SCTR: variants seen among roughly 807,000 people sequenced by gnomAD.
SCTR encodes the protein pancreatic secretin receptor.
SCTR carries 56 observed loss-of-function variants against 60.8 expected under a neutral mutation model. That is an observed-to-expected ratio of 0.92 (90% CI 0.74 to 1.15). SCTR has a LOEUF of 1.15. Among genes scored for constraint, SCTR ranks in the 50% most tolerant of loss-of-function variants. SCTR has a pLI of 0.00. For missense variants in SCTR, 562 were observed against 550.4 expected, an observed-to-expected ratio of 1.02 and a Z score of -0.21; for synonymous variants, 202 against 217.0, an observed-to-expected ratio of 0.93 and a Z score of 0.61.
At chr2:119,482,728 C>T (rs866700411) in intron 2 of SCTR, among the ~76,000 whole-genome samples, 6 of 152,308 alleles carry the variant, frequency 3.9e-5, no homozygotes, top group African/African-American at 4.8e-5. Flanking sequence ...GCAGGCCTGC[C>T]GGGTAACCCT....
At chr2:119,456,412 G>A (rs1683378453) in intron 7 of SCTR, among the ~76,000 whole-genome samples, 1 of 152,070 alleles carries the variant, frequency 6.6e-6, no homozygotes, top group Non-Finnish European at 1.5e-5. Flanking sequence ...AAGGTTGAAC[G>A]AAGATATCTT....
rs550379452 is a variant in SCTR, at chr2:119,487,790, C to T, written c.193+6638G>A. 5.3e-5 allele frequency among the ~76,000 whole-genome samples: 8 copies of T among 152,270 alleles called. No individual in the cohort carries two copies. The South Asian group carries it at 6.2e-4, about 12-fold the overall frequency. On this transcript the variant is annotated intron_variant, in intron 2 of 12. Coordinates refer to ENST00000019103, the MANE Select transcript of SCTR (RefSeq NM_002980.3). Reference sequence around the variant, plus strand: ...TTATTTGTGATAAGTGTGGCGGGCTCGGTGACAGCTCCTTGAGTGGTGTTT... The same window carrying T: ...TTATTTGTGATAAGTGTGGCGGGCTTGGTGACAGCTCCTTGAGTGGTGTTT...
chr2:119,514,333 T>C (rs1427351259), intron 1 of SCTR, among the ~76,000 whole-genome samples: 1 of 152,166 alleles, frequency 6.6e-6, no homozygotes, highest in African/African-American at 2.4e-5. Context: ...ATATTTGGTG[T>C]TGGCATGGGG....
At chr2:119,465,185 G>C (rs1461472869) in intron 5 of SCTR, among the ~76,000 whole-genome samples, 1 of 152,192 alleles carries the variant, frequency 6.6e-6, no homozygotes, top group Admixed American at 6.5e-5. Flanking sequence ...AGAACTCTGA[G>C]GACTTTTACT....
At chr2:119,471,366 A>G (rs1677003967) in intron 4 of SCTR, among the ~76,000 whole-genome samples, 1 of 152,132 alleles carries the variant, frequency 6.6e-6, no homozygotes, top group Non-Finnish European at 1.5e-5. Context: ...CCCACTCACC[A>G]TCCCTCCAAG....
intron 1 of SCTR, among the ~76,000 whole-genome samples, chr2:119,496,156 G>A (rs899438380): frequency 6.6e-6 from 1 of 152,218 alleles, no homozygotes; most frequent in Non-Finnish European, 1.5e-5. Context: ...GGAAGAGCTT[G>A]AGTGGAAAAA....
At chr2:119,505,974 T>G (rs1678727776) in intron 1 of SCTR, among the ~76,000 whole-genome samples, 1 of 152,202 alleles carries the variant, frequency 6.6e-6, no homozygotes, top group Non-Finnish European at 1.5e-5. Context: ...TCACTCCATA[T>G]CTATCAGAAT....
At chr2:119,514,721 C>T (rs1679059363) in intron 1 of SCTR, among the ~76,000 whole-genome samples, 1 of 151,900 alleles carries the variant, frequency 6.6e-6, no homozygotes, top group Admixed American at 6.6e-5. Flanking sequence ...ACTAAAAATA[C>T]AAAAAAATCA....
At chr2:119,509,307 T>G (rs1450284264) in intron 1 of SCTR, among the ~76,000 whole-genome samples, 1 of 152,168 alleles carries the variant, frequency 6.6e-6, no homozygotes, top group Non-Finnish European at 1.5e-5. Flanking sequence ...AATAAACACT[T>G]ATTGCTGCAT....
chr2:119,457,345 G>A lies in SCTR; in HGVS notation c.791-3998C>T, dbSNP rs185657845. Among the ~76,000 whole-genome samples the A allele has an allele frequency of 2.8e-3, 431 of 152,246 alleles. 6 individuals are homozygous for A. Among genetic ancestry groups the A allele is most frequent in the Admixed American group, 0.025 (385 of 15,286 alleles). On this transcript the variant is annotated intron_variant, in intron 7 of 12. Coordinates refer to ENST00000019103, the MANE Select transcript of SCTR (RefSeq NM_002980.3). ...ACACTATTTACATAGATATAATAAT[G>A]TATACACTGAATCTGATTTAGCCAA... is the stretch of plus-strand genomic sequence containing the variant.
intron 4 of SCTR, among the ~76,000 whole-genome samples, chr2:119,468,591 A>C (rs6721120): frequency 0.072 from 10,906 of 152,212 alleles, 1,276 homozygotes; most frequent in African/African-American, 0.25. Flanking sequence ...TGGTAATTTT[A>C]ATTTTTCCCC....
At chr2:119,451,460 A>C (rs1683166730) in intron 9 of SCTR, among the ~76,000 whole-genome samples, 1 of 152,214 alleles carries the variant, frequency 6.6e-6, no homozygotes, top group South Asian at 2.1e-4. Flanking sequence ...AAGGGCCACC[A>C]GGGTTGACAC....
At chr2:119,507,800 T>C (rs917673190) in intron 1 of SCTR, among the ~76,000 whole-genome samples, 2 of 150,000 alleles carry the variant, frequency 1.3e-5, no homozygotes, top group Admixed American at 1.3e-4. Flanking sequence ...TGCCTCTGCC[T>C]CCCAAGTAGG....
chr2:119,447,142 A>C (rs950526043), intron 10 of SCTR, among the ~76,000 whole-genome samples: 9 of 152,180 alleles, frequency 5.9e-5, no homozygotes, highest in African/African-American at 2.2e-4. Flanking sequence ...AAAAAGAAAA[A>C]AAAACGGTAC....
At chr2:119,487,901 C>T (rs1677944527) in intron 2 of SCTR, among the ~76,000 whole-genome samples, 1 of 152,134 alleles carries the variant, frequency 6.6e-6, no homozygotes, top group Admixed American at 6.5e-5. Flanking sequence ...AGAGCCCCAG[C>T]AGCCCCTCCC....
chr2:119,498,451 T>C (rs1393383069), intron 1 of SCTR, among the ~76,000 whole-genome samples: 1 of 152,010 alleles, frequency 6.6e-6, no homozygotes, highest in Non-Finnish European at 1.5e-5. Context: ...TAAGCAAAAA[T>C]GTGGGTAAAT....
chr2:119,516,350 C>T (rs1679116423), intron 1 of SCTR, among the ~76,000 whole-genome samples: 1 of 152,144 alleles, frequency 6.6e-6, no homozygotes, highest in South Asian at 2.1e-4. Flanking sequence ...GATGAAGAAA[C>T]ATGCTGCATA....
chr2:119,494,495 T>C lies in SCTR; in HGVS notation c.126A>G (p.Gln42=). ...TGGAGAGTTCCTGCAGGCACTGGTC[T>C]TGCTCTTCCCACAGCACTTGTAGCA... The part of the protein sequence containing the change: ...CDVLQVLWEE[Q]DQCLQELSRE... The change falls in exon 2 of 13, where the codon CAA becomes CAG. Residue 42 remains glutamine (Q), a synonymous_variant. Coordinates refer to ENST00000019103, the MANE Select transcript of SCTR (RefSeq NM_002980.3). 1 of 1,614,078 alleles carries C rather than the reference T, an allele frequency of 6.2e-7. No homozygotes were observed. The highest frequency in any genetic ancestry group is 8.5e-7 in the Non-Finnish European group (1 of 1,179,972).
chr2:119,475,286 C>T (rs1009988299), intron 3 of SCTR, among the ~76,000 whole-genome samples: 2 of 152,180 alleles, frequency 1.3e-5, no homozygotes, highest in Non-Finnish European at 2.9e-5. Context: ...CAAATTCCCC[C>T]AAGGCCAGAA....
Sources: gnomAD v4.1 joint callset for allele counts (sites outside exome capture counted in the v4.1 genomes callset) on GRCh38, gnomAD v4.1.1 for gene constraint, MANE v1.5 for transcripts, NCBI Gene and HGNC (gene_info 2026-07-23, HGNC 2026-07-21) for gene names.